Variants in EML4 observed in about 807,000 individuals in gnomAD.
EML4 encodes EMAP like 4.
Under a neutral mutation model 129.0 loss-of-function variants are expected in EML4, and 72 were observed. That is an observed-to-expected ratio of 0.56 (90% CI 0.46 to 0.68). The LOEUF is 0.68. Among genes scored for constraint, EML4 ranks in the 30% least tolerant of loss-of-function variants. The pLI, the probability that EML4 is intolerant of heterozygous loss-of-function variation, is 0.00. For missense variants in EML4, 1,363 were observed against 1,190.6 expected (o/e 1.14, Z -2.13); for synonymous variants, 532 against 405.0 (o/e 1.31, Z -3.77).
chr2:42,257,443 G>A (rs1025503192), intron 3 of EML4, among the ~76,000 whole-genome samples: 14 of 152,196 alleles, frequency 9.2e-5, no homozygotes, highest in Middle Eastern at 6.8e-3. Context: ...ACTAATGCTA[G>A]TGACCGAATT....
intron 10 of EML4, among the ~76,000 whole-genome samples, chr2:42,286,884 C>A (rs1159686393): frequency 4.6e-5 from 7 of 152,134 alleles, no homozygotes; most frequent in Non-Finnish European, 1.0e-4. Flanking sequence ...TTGATGACAA[C>A]ATGGGTTTAA....
chr2:42,234,754 T>G (rs1674554457), intron 1 of EML4, among the ~76,000 whole-genome samples: 1 of 152,234 alleles, frequency 6.6e-6, no homozygotes, highest in Admixed American at 6.5e-5. Flanking sequence ...AAACAGCAGC[T>G]TTTAATGGAA....
chr2:42,229,257 A>C (rs1023197696), intron 1 of EML4, among the ~76,000 whole-genome samples: 1 of 152,188 alleles, frequency 6.6e-6, no homozygotes, highest in Non-Finnish European at 1.5e-5. Context: ...TTAATTTTCT[A>C]TAACTTTATA....
At chr2:42,219,925 A>T (rs1572567297) in intron 1 of EML4, among the ~76,000 whole-genome samples, 1 of 22,470 alleles carries the variant, frequency 4.5e-5, no homozygotes, top group East Asian at 3.2e-3. Flanking sequence ...GACTCCATCT[A>T]AAAAAAAAAA....
intron 19 of EML4, chr2:42,325,196 A>G (rs1669722676): frequency 1.8e-6 from 1 of 548,870 alleles, no homozygotes; most frequent in East Asian, 4.7e-5. Flanking sequence ...GTCCTGTAAG[A>G]TACAAGTTTA....
intron 6 of EML4, among the ~76,000 whole-genome samples, chr2:42,276,114 A>G (rs745872418): frequency 2.0e-5 from 3 of 152,168 alleles, no homozygotes; most frequent in African/African-American, 4.8e-5. Flanking sequence ...CTCTTCATCT[A>G]TGTATTTTAC....
At chr2:42,187,758 A>G (rs1671344844) in intron 1 of EML4, among the ~76,000 whole-genome samples, 2 of 152,140 alleles carry the variant, frequency 1.3e-5, no homozygotes, top group Non-Finnish European at 2.9e-5. Context: ...TGGTTTGCAA[A>G]TATTTTCTCC....
Position 42,286,365 on chromosome 2 carries a change from G to C in EML4, c.1108G>C (p.Asp370His). Reference sequence around the variant, plus strand: ...TTTTGAGCGTGGAGTAGGATGCCTGGATTTTTCAAAAGCAGTAAGTAACAA... The same window carrying C: ...TTTTGAGCGTGGAGTAGGATGCCTGCATTTTTCAAAAGCAGTAAGTAACAA... The part of the protein sequence containing the change: ...GTFERGVGCL[D>H]FSKADSGVHL... Residue 370 changes from aspartate to histidine, a missense_variant, in exon 10 of 23, where the codon GAT becomes CAT. Asp to His is a moderately conservative substitution (Grantham distance 81). Transcript: ENST00000318522. 1 of 1,609,244 alleles carries C rather than the reference G, an allele frequency of 6.2e-7. No individual in the cohort carries two copies. Among genetic ancestry groups the C allele is most frequent in the East Asian group, 2.2e-5 (1 of 44,860 alleles).
chr2:42,281,532 A>G (rs1484883517), intron 7 of EML4, among the ~76,000 whole-genome samples: 2 of 152,246 alleles, frequency 1.3e-5, no homozygotes, highest in Non-Finnish European at 2.9e-5. Flanking sequence ...AAAAGGCACT[A>G]GACTGGAACT....
At chr2:42,260,234 C>G (rs1182775514) in intron 3 of EML4, among the ~76,000 whole-genome samples, 1 of 152,116 alleles carries the variant, frequency 6.6e-6, no homozygotes. Context: ...ATGGTGCAAT[C>G]TCCGCTCACT....
Position 42,303,206 on chromosome 2 carries a change from G to C in EML4, c.1744G>C (p.Asp582His). ...CTTTATTTTACGAGGAACATTTAAT[G>C]ATGGCTTCCAAATAGAAGTACAGGT... ...RNFILRGTFN[D>H]GFQIEVQGHT... Residue 582 changes from aspartate (D) to histidine (H), a missense_variant, in exon 15 of 23, where the codon GAT (aspartate) becomes CAT (histidine). Physicochemically the swap from Asp to His is moderately conservative, Grantham distance 81. Coordinates refer to ENST00000318522, the MANE Select transcript of EML4 (RefSeq NM_019063.5). 1 of 1,614,170 alleles carries C rather than the reference G, an allele frequency of 6.2e-7. No homozygotes were observed. Among genetic ancestry groups the C allele is most frequent in the Non-Finnish European group, 8.5e-7 (1 of 1,180,030 alleles).
chr2:42,268,899 A>T (rs1036573994), intron 6 of EML4, among the ~76,000 whole-genome samples: 1 of 152,304 alleles, frequency 6.6e-6, no homozygotes, highest in Admixed American at 6.5e-5. Flanking sequence ...ACACATAATT[A>T]CCTGGTCATG....
At chr2:42,293,450 C>T (rs1301576309) in intron 11 of EML4, among the ~76,000 whole-genome samples, 1 of 151,996 alleles carries the variant, frequency 6.6e-6, no homozygotes, top group Non-Finnish European at 1.5e-5. Context: ...ATGCAAAGGC[C>T]CTTAAGCCCA....
At chr2:42,325,724 C>A (rs1420876149) in intron 20 of EML4, among the ~76,000 whole-genome samples, 170 bp downstream of exon 20, 1 of 148,768 alleles carries the variant, frequency 6.7e-6, no homozygotes, top group Non-Finnish European at 1.5e-5. Flanking sequence ...CCTCTTTAAC[C>A]TGACAAAGCA....
At chr2:42,310,987 A>G (rs1299402116) in intron 17 of EML4, among the ~76,000 whole-genome samples, 1 of 152,244 alleles carries the variant, frequency 6.6e-6, no homozygotes, top group Non-Finnish European at 1.5e-5. Context: ...AAAATGATTT[A>G]CCAAAAGTAG....
intron 1 of EML4, among the ~76,000 whole-genome samples, chr2:42,226,354 C>T (rs1673955872): frequency 2.0e-5 from 3 of 151,950 alleles, no homozygotes; most frequent in African/African-American, 4.8e-5. Flanking sequence ...ATAGTTTTTA[C>T]AGTTAATAAA....
intron 1 of EML4, among the ~76,000 whole-genome samples, chr2:42,211,774 A>G (rs1449281200): frequency 6.6e-6 from 1 of 152,124 alleles, no homozygotes; most frequent in Non-Finnish European, 1.5e-5. Flanking sequence ...TTGGTGGGTA[A>G]TGTAAACTTA....
chr2:42,288,993 A>C (rs1248411543), intron 11 of EML4: 4 of 152,334 alleles, frequency 2.6e-5, no homozygotes, highest in South Asian at 2.1e-4. Context: ...CCATACTCTT[A>C]AATAACATCA....
intron 13 of EML4, 91 bp from the exon 14 acceptor site, chr2:42,301,150 A>C (rs1668264268): frequency 2.8e-6 from 3 of 1,090,706 alleles, no homozygotes; most frequent in African/African-American, 3.3e-5. Flanking sequence ...CTGATTATTA[A>C]CTCTAGTTCT....
Sources: allele counts gnomAD v4.1 joint callset (sites outside exome capture counted in the v4.1 genomes callset), GRCh38; gene constraint gnomAD v4.1.1; transcripts MANE v1.5; gene names NCBI Gene and HGNC (gene_info 2026-07-23, HGNC 2026-07-21).